Variants in DEUP1 observed in about 807,000 individuals in gnomAD.
DEUP1 encodes the protein coiled-coil domain containing 67.
DEUP1 carries 82 observed loss-of-function variants against 87.4 expected under a neutral mutation model. That is an observed-to-expected ratio of 0.94 (90% CI 0.78 to 1.13). DEUP1 has a LOEUF of 1.13. DEUP1 is among the 50% of genes most tolerant of loss of function. The pLI is 0.00. For synonymous variants in DEUP1, 214 were observed against 222.7 expected, an observed-to-expected ratio of 0.96 and a Z score of 0.35; for missense variants, 663 against 681.5, an observed-to-expected ratio of 0.97 and a Z score of 0.30.
At chr11:93,364,520 G>T (rs559057339) in intron 5 of DEUP1, among the ~76,000 whole-genome samples, 3 of 151,268 alleles carry the variant, frequency 2.0e-5, no homozygotes, top group Admixed American at 2.0e-4. Flanking sequence ...TCAGCATTTT[G>T]GGAGATTAAA....
chr11:93,405,766 GGAT>G (rs1367494496), intron 11 of DEUP1, among the ~76,000 whole-genome samples: 2 of 151,712 alleles, frequency 1.3e-5, no homozygotes, highest in African/African-American at 4.8e-5. Context: ...ACAAAACTTA[GGAT>G]GATTTTATGG....
chr11:93,430,843 C>T (rs948808026), intron 13 of DEUP1, among the ~76,000 whole-genome samples: 6 of 152,018 alleles, frequency 3.9e-5, no homozygotes, highest in African/African-American at 1.2e-4. Flanking sequence ...TGCCTATAAT[C>T]CCAGCACTTT....
At chr11:93,364,823 C>G (rs1945337644) in intron 5 of DEUP1, among the ~76,000 whole-genome samples, 1 of 151,904 alleles carries the variant, frequency 6.6e-6, no homozygotes, top group South Asian at 2.1e-4. Context: ...CTATATATAT[C>G]TACTATGTAC....
Position 93,396,300 on chromosome 11 carries a change from G to T in DEUP1, c.1301G>T (p.Gly434Val). Residue 434 changes from glycine to valine, a missense_variant, in exon 11 of 14, where the codon GGA becomes GTA. Coordinates refer to ENST00000298050, the MANE Select transcript of DEUP1 (RefSeq NM_181645.4). Reference sequence around the variant, plus strand: ...AACACACATCTAAAAGGAATGATGGGAGATTTAGACCCCGGAGAATACATG... The same window carrying T: ...AACACACATCTAAAAGGAATGATGGTAGATTTAGACCCCGGAGAATACATG... ...TENTHLKGMM[G>V]DLDPGEYMSM... 6.3e-7 allele frequency: 1 copy of T among 1,580,602 alleles called. No individual in the cohort carries two copies. Among genetic ancestry groups the T allele is most frequent in the Non-Finnish European group, 8.6e-7 (1 of 1,161,510 alleles).
At chr11:93,355,623 A>G (rs1944858812) in intron 3 of DEUP1, 81 bp downstream of exon 3, 1 of 1,281,620 alleles carries the variant, frequency 7.8e-7, no homozygotes, top group Non-Finnish European at 1.1e-6. Context: ...TTTTTATTAT[A>G]CATACTTTTT....
chr11:93,333,547 G>T (rs1288906342), intron 2 of DEUP1, among the ~76,000 whole-genome samples: 6 of 152,206 alleles, frequency 3.9e-5, no homozygotes, highest in Non-Finnish European at 1.5e-5. Flanking sequence ...CAGCAAGAAA[G>T]GCTGGGGAAT....
At chr11:93,362,482 G>T (rs1458959026) in intron 4 of DEUP1, among the ~76,000 whole-genome samples, 1 of 151,824 alleles carries the variant, frequency 6.6e-6, no homozygotes, top group East Asian at 1.9e-4. Flanking sequence ...TAGTCATTAG[G>T]GATATGGAAA....
At chr11:93,348,015 C>T (rs185119121) in intron 2 of DEUP1, among the ~76,000 whole-genome samples, 1,897 of 152,330 alleles carry the variant, frequency 0.012, 48 homozygotes, top group African/African-American at 0.042. Flanking sequence ...GCCGGGATTA[C>T]AGGCATGAGC....
intron 2 of DEUP1, among the ~76,000 whole-genome samples, chr11:93,339,677 C>A (rs4322357): frequency 0.33 from 50,719 of 152,026 alleles, 9,022 homozygotes; most frequent in Non-Finnish European, 0.41. Flanking sequence ...AGCAAAGGAA[C>A]GCAAGACACT....
chr11:93,356,903 G>T, intron 3 of DEUP1, 45 bp from the exon 4 acceptor site: 1 of 1,260,002 alleles, frequency 7.9e-7, no homozygotes, highest in East Asian at 2.5e-5. Flanking sequence ...GATTTTGTCA[G>T]GCAAAATTTA....
At chr11:93,393,807 A>G (rs757633123) in intron 9 of DEUP1, among the ~76,000 whole-genome samples, 2 of 152,220 alleles carry the variant, frequency 1.3e-5, no homozygotes, top group Non-Finnish European at 2.9e-5. Flanking sequence ...AGGTTGAAAT[A>G]GAATGGACAG....
chr11:93,349,284 C>G (rs768270324), intron 2 of DEUP1, among the ~76,000 whole-genome samples: 14 of 152,150 alleles, frequency 9.2e-5, no homozygotes, highest in Non-Finnish European at 1.6e-4. Context: ...ATACACAGCT[C>G]TACCATTGGA....
At chr11:93,392,501 T>C (rs1400865995) in intron 9 of DEUP1, among the ~76,000 whole-genome samples, 2 of 152,202 alleles carry the variant, frequency 1.3e-5, no homozygotes, top group African/African-American at 2.4e-5. Context: ...TAAAAAGATA[T>C]ATGAGCCAGT....
rs558348523 is a variant in DEUP1, at chr11:93,393,679, G to T, written c.1042-780G>T. On this transcript the variant is annotated intron_variant, in intron 9 of 13. Coordinates refer to ENST00000298050, the MANE Select transcript of DEUP1 (RefSeq NM_181645.4). ...AATGGACTATGATTTTTTTTTAGAC[G>T]GATGATTATGTACTTTAAGTCTCAA... 9.7e-4 allele frequency among the ~76,000 whole-genome samples: 148 copies of T among 151,902 alleles called. 1 individual carries two copies. The highest frequency in any genetic ancestry group is 2.9e-3 in the African/African-American group (120 of 41,444).
rs1947339606 is a variant in DEUP1 at position 93,408,293 on chromosome 11, G to A, written c.1389G>A (p.Glu463=). 1 of 1,584,128 alleles carries A rather than the reference G, an allele frequency of 6.3e-7. No individual in the cohort carries two copies. Among genetic ancestry groups the A allele is most frequent in the Admixed American group, 1.8e-5 (1 of 55,676 alleles). ...CATCTATTAATAAACTGCAATATGA[G>A]AATGAAAGGCTCCGAAATGATCTTG... The part of the protein sequence containing the change: ...RHTSINKLQY[E]NERLRNDLAK... The change falls in exon 12 of 14, where the codon GAG becomes GAA. Residue 463 remains glutamate (E), a synonymous_variant. Coordinates refer to ENST00000298050, the MANE Select transcript of DEUP1 (RefSeq NM_181645.4).
At chr11:93,418,274 C>T (rs1460564272) in intron 13 of DEUP1, among the ~76,000 whole-genome samples, 2 of 151,994 alleles carry the variant, frequency 1.3e-5, no homozygotes, top group Non-Finnish European at 2.9e-5. Context: ...ATTTTCGCAA[C>T]CTACTCATCT....
Position 93,370,194 on chromosome 11 carries a change from A to G in DEUP1, c.546+8A>G. 1.5e-6 allele frequency: 2 copies of G among 1,298,794 alleles called. No individual in the cohort carries two copies. Among genetic ancestry groups the G allele is most frequent in the Non-Finnish European group, 2.2e-6 (2 of 907,980 alleles). The allele number at this position is 1,298,794 out of a possible 1,614,324, so 80.5% of individuals were successfully genotyped here. ...AAGTGTAATCAGTTTCAGGTAAGTT[A>G]TCTAATACTATTCTCTAAATCAAAA... On this transcript the variant is annotated splice_region_variant and intron_variant, in intron 6 of 13. Coordinates refer to ENST00000298050, the MANE Select transcript of DEUP1 (RefSeq NM_181645.4).
At chr11:93,390,906 A>G (rs1043676012) in intron 9 of DEUP1, among the ~76,000 whole-genome samples, 1 of 152,062 alleles carries the variant, frequency 6.6e-6, no homozygotes, top group Non-Finnish European at 1.5e-5. Flanking sequence ...ACATGGTGAA[A>G]CCCCGTCTCT....
chr11:93,393,762 G>A (rs1340970342), intron 9 of DEUP1, among the ~76,000 whole-genome samples: 3 of 152,160 alleles, frequency 2.0e-5, no homozygotes, highest in Admixed American at 6.5e-5. Flanking sequence ...AAAGACAGCA[G>A]TTGTAGGAAT....
Sources: allele counts gnomAD v4.1 joint callset (sites outside exome capture counted in the v4.1 genomes callset), GRCh38; gene constraint gnomAD v4.1.1; transcripts MANE v1.5; gene names NCBI Gene and HGNC (gene_info 2026-07-23, HGNC 2026-07-21).